Variants in SOX5 observed in about 807,000 individuals in gnomAD.
The protein encoded by SOX5 is transcription factor SOX-5.
A neutral mutation model predicts 92.0 loss-of-function variants in SOX5; 9 were observed. That is an observed-to-expected ratio of 0.10 (90% CI 0.06 to 0.17). The LOEUF is 0.17. SOX5 is among the 10% of genes least tolerant of loss of function. The probability of loss-of-function intolerance (pLI) is 1.00; values close to 1 mark genes in which losing one functional copy is unlikely to be tolerated. For synonymous variants in SOX5, 344 were observed against 336.3 expected, an observed-to-expected ratio of 1.02 and a Z score of -0.25; for missense variants, 642 against 944.5, an observed-to-expected ratio of 0.68 and a Z score of 4.20.
At chr12:24,128,037 G>T (rs748561264) in intron 4 of SOX5, among the ~76,000 whole-genome samples, 9 of 152,078 alleles carry the variant, frequency 5.9e-5, no homozygotes, top group Middle Eastern at 3.2e-3. Context: ...TTTTAGTGGT[G>T]GTATTCTCCT....
chr12:24,391,967 C>T (rs1429175879), intron 1 of SOX5, among the ~76,000 whole-genome samples: 1 of 152,114 alleles, frequency 6.6e-6, no homozygotes, highest in Admixed American at 6.6e-5. Context: ...ACCCCACCCT[C>T]TCTTCTTTCC....
At chr12:24,322,430 C>T (rs1950289966) in intron 2 of SOX5, among the ~76,000 whole-genome samples, 3 of 152,126 alleles carry the variant, frequency 2.0e-5, no homozygotes, top group Non-Finnish European at 2.9e-5. Context: ...ACTACTATTG[C>T]TGATGAGCAA....
intron 1 of SOX5, among the ~76,000 whole-genome samples, chr12:24,398,417 T>C (rs552083247): frequency 6.6e-6 from 1 of 152,190 alleles, no homozygotes; most frequent in Admixed American, 6.5e-5. Flanking sequence ...GGTGGGAAGA[T>C]CACTTGAGCC....
chr12:24,242,577 T>C (rs1333638167), intron 3 of SOX5, among the ~76,000 whole-genome samples: 1 of 152,170 alleles, frequency 6.6e-6, no homozygotes, highest in East Asian at 1.9e-4. Flanking sequence ...TCTTAAACTA[T>C]CCTATCCTAT....
intron 4 of SOX5, among the ~76,000 whole-genome samples, chr12:24,129,319 C>A (rs1033820045): frequency 2.0e-5 from 3 of 152,184 alleles, no homozygotes; most frequent in Non-Finnish European, 4.4e-5. Context: ...TTTGTCATGA[C>A]TAATGTACCC....
chr12:24,539,876 T>G (rs189333600), intron 1 of SOX5, among the ~76,000 whole-genome samples: 15 of 152,172 alleles, frequency 9.9e-5, no homozygotes, highest in African/African-American at 3.4e-4. Flanking sequence ...CATTTGGAAT[T>G]CCTTCCAGTT....
At chr12:24,542,084 T>G (rs1389432727) in intron 1 of SOX5, among the ~76,000 whole-genome samples, 1 of 152,242 alleles carries the variant, frequency 6.6e-6, no homozygotes, top group Non-Finnish European at 1.5e-5. Context: ...AATGCTTTTA[T>G]GATTAAAAAC....
chr12:24,417,746 T>C (rs946250785), intron 1 of SOX5, among the ~76,000 whole-genome samples: 3 of 152,166 alleles, frequency 2.0e-5, no homozygotes, highest in Non-Finnish European at 4.4e-5. Flanking sequence ...GAGAAAAGGA[T>C]AGACAATACT....
intron 7 of SOX5, 87 bp downstream of exon 7, chr12:23,665,357 A>G (rs1003301171): frequency 4.9e-6 from 7 of 1,430,422 alleles, no homozygotes; most frequent in African/African-American, 1.4e-5. Flanking sequence ...GGGTGATCTC[A>G]TTTCTTGGTG....
chr12:24,413,340 A>T (rs1964456454), intron 1 of SOX5, among the ~76,000 whole-genome samples: 1 of 152,218 alleles, frequency 6.6e-6, no homozygotes, highest in Admixed American at 6.5e-5. Flanking sequence ...TGCTCAAAAG[A>T]ATATTATATC....
At chr12:23,616,169 A>C (rs942292667) in intron 8 of SOX5, among the ~76,000 whole-genome samples, 1 of 152,204 alleles carries the variant, frequency 6.6e-6, no homozygotes, top group Admixed American at 6.5e-5. Flanking sequence ...TTCATTAACC[A>C]CTAAGGTGAC....
At chr12:23,800,945 T>C (rs2095649536) in intron 3 of SOX5, among the ~76,000 whole-genome samples, 1 of 152,142 alleles carries the variant, frequency 6.6e-6, no homozygotes, top group African/African-American at 2.4e-5. Flanking sequence ...ACAAACATAC[T>C]GAAAACCACT....
At chr12:24,220,196 C>T (rs963327933) in intron 3 of SOX5, among the ~76,000 whole-genome samples, 11 of 151,532 alleles carry the variant, frequency 7.3e-5, no homozygotes, top group Non-Finnish European at 1.5e-4. Flanking sequence ...ATGATTTATA[C>T]TAGATATAGA....
chr12:23,672,561 A>C (rs1048452308), intron 6 of SOX5, among the ~76,000 whole-genome samples: 12 of 152,168 alleles, frequency 7.9e-5, no homozygotes, highest in African/African-American at 2.9e-4. Flanking sequence ...GAAATAATCC[A>C]GTCAAGACAC....
chr12:24,442,273 C>G (rs1204603707), intron 1 of SOX5, among the ~76,000 whole-genome samples: 1 of 152,140 alleles, frequency 6.6e-6, no homozygotes, highest in Non-Finnish European at 1.5e-5. Context: ...AGATTATGTC[C>G]TCTTATCTTA....
At chr12:23,896,058 C>T (rs768133967) in intron 1 of SOX5, 34 bp from the exon 2 acceptor site, 4 of 1,421,268 alleles carry the variant, frequency 2.8e-6, no homozygotes, top group Non-Finnish European at 4.0e-6. Flanking sequence ...AATAATGAAA[C>T]CTCCACATAA....
At chr12:23,577,987 G>C (rs1451657416) in intron 9 of SOX5, among the ~76,000 whole-genome samples, 1 of 151,108 alleles carries the variant, frequency 6.6e-6, no homozygotes. Context: ...TGAGCATGGT[G>C]GCATGCACCT....
chr12:23,723,538 C>A (rs2092937763), intron 6 of SOX5, among the ~76,000 whole-genome samples: 1 of 148,084 alleles, frequency 6.8e-6, no homozygotes, highest in African/African-American at 2.5e-5. Flanking sequence ...GTATTCAGAA[C>A]TAAACGGTGG....
In SOX5 at chr12:24,401,553, T is replaced by G. The variant is rs1381911498; in HGVS notation, c.-250-32914A>C. On this transcript the variant is annotated intron_variant, in intron 1 of 4. Transcript: ENST00000446891. Reference sequence around the variant, plus strand: ...AGCGAGACCTCGTCTCTACAAAACATTAAAAAATTAACCTTGCATGGTGGC... The same window carrying G: ...AGCGAGACCTCGTCTCTACAAAACAGTAAAAAATTAACCTTGCATGGTGGC... Among the ~76,000 whole-genome samples the G allele has an allele frequency of 2.7e-5, 4 of 150,938 alleles. No homozygotes were observed. The East Asian group carries it at 5.9e-4, about 22-fold the overall frequency.
Sources: allele counts gnomAD v4.1 joint callset (sites outside exome capture counted in the v4.1 genomes callset), GRCh38; gene constraint gnomAD v4.1.1; transcripts MANE v1.5; gene names NCBI Gene and HGNC (gene_info 2026-07-23, HGNC 2026-07-21).